The following HOOK3 variants were observed in gnomAD, a reference collection of about 807,000 sequenced individuals.
HOOK3 encodes the protein hook microtubule tethering protein 3.
Under a neutral mutation model 116.3 loss-of-function variants are expected in HOOK3, and 24 were observed. The observed-to-expected ratio is 0.21, with a 90% CI of 0.15 to 0.29. The LOEUF (loss-of-function observed/expected upper bound fraction) is 0.29. Among genes scored for constraint, HOOK3 ranks in the 10% least tolerant of loss-of-function variants. HOOK3 has a pLI of 1.00. For missense variants in HOOK3, 632 were observed against 830.2 expected, an observed-to-expected ratio of 0.76 and a Z score of 2.93; for synonymous variants, 275 against 283.0, an observed-to-expected ratio of 0.97 and a Z score of 0.28.
intron 5 of HOOK3, among the ~76,000 whole-genome samples, chr8:42,949,694 C>A (rs1475468797): frequency 6.6e-6 from 1 of 151,920 alleles, no homozygotes; most frequent in African/African-American, 2.4e-5. Context: ...CCGAGGCAGG[C>A]GGATCACGAG....
intron 21 of HOOK3, among the ~76,000 whole-genome samples, chr8:43,016,980 C>CCTGGGCTAGATTGCTAACA (rs2130495435): frequency 6.6e-6 from 1 of 152,126 alleles, no homozygotes; most frequent in Admixed American, 6.5e-5. Context: ...TCGAGACCAG[C>CCTGGGCTAGATTGCTAACA]CTGGGCAACA....
intron 11 of HOOK3, among the ~76,000 whole-genome samples, chr8:42,971,805 C>G (rs373659577): frequency 3.3e-5 from 5 of 152,038 alleles, no homozygotes; most frequent in African/African-American, 1.2e-4. Flanking sequence ...CACAGTCTCC[C>G]GAGTAGCTGG....
intron 2 of HOOK3, among the ~76,000 whole-genome samples, chr8:42,914,130 A>G (rs1033527758): frequency 1.3e-5 from 2 of 152,126 alleles, no homozygotes; most frequent in Non-Finnish European, 2.9e-5. Flanking sequence ...GTGCTCCTCC[A>G]TACTGCTTCT....
intron 2 of HOOK3, among the ~76,000 whole-genome samples, chr8:42,925,046 C>T (rs1807736460): frequency 1.3e-5 from 2 of 151,342 alleles, no homozygotes; most frequent in Non-Finnish European, 2.9e-5. Flanking sequence ...AGAAAATCTG[C>T]AATTATGGTA....
At chr8:42,995,835 A>G (rs906600759) in intron 15 of HOOK3, among the ~76,000 whole-genome samples, 8 of 151,884 alleles carry the variant, frequency 5.3e-5, no homozygotes, top group Non-Finnish European at 1.2e-4. Context: ...GTCCCTTTCT[A>G]TTTCCTCCTC....
chr8:42,995,970 A>G (rs1809256238), intron 15 of HOOK3, among the ~76,000 whole-genome samples: 1 of 152,142 alleles, frequency 6.6e-6, no homozygotes, highest in African/African-American at 2.4e-5. Flanking sequence ...TCTGTCTGAC[A>G]TACTACCTGT....
chr8:42,930,304 A>G (rs1261478069), intron 4 of HOOK3, 132 bp downstream of exon 4: 3 of 776,308 alleles, frequency 3.9e-6, no homozygotes, highest in Non-Finnish European at 5.6e-6. Context: ...AGTTTCTATA[A>G]TAGGATGATG....
At chr8:42,948,317 C>T (rs1808273553) in intron 5 of HOOK3, among the ~76,000 whole-genome samples, 1 of 152,226 alleles carries the variant, frequency 6.6e-6, no homozygotes, top group Admixed American at 6.5e-5. Context: ...CATTCTCCAG[C>T]ATTGCCTCAT....
At chr8:42,985,743 A>G (rs1033519067) in intron 14 of HOOK3, among the ~76,000 whole-genome samples, 4 of 151,640 alleles carry the variant, frequency 2.6e-5, no homozygotes, top group Non-Finnish European at 5.9e-5. Flanking sequence ...CCCGTCTCAA[A>G]AAAAAAAAAA....
At chr8:42,997,405 A>G in intron 15 of HOOK3, 145 bp from the exon 16 acceptor site, 6 of 572,484 alleles carry the variant, frequency 1.0e-5, no homozygotes, top group East Asian at 2.9e-5. Context: ...GCTGCCACTC[A>G]TGACATTAGG....
rs751845063 is a variant in HOOK3, at chr8:42,974,127, T to C, written c.1254T>C (p.Asp418=). Residue 418 remains aspartate, a synonymous_variant, in exon 13 of 22, where the codon GAT becomes GAC. Transcript: ENST00000307602. The part of the protein sequence containing the change: ...KEKDRLRTER[D]SLKETIEELR... ...TCCAGAGGCTGAGAACAGAAAGGGA[T>C]TCTCTGAAGGAAACCATTGAAGAGC... The C allele has an allele frequency of 8.1e-6, 13 of 1,613,832 alleles. No individual in the cohort carries two copies. In the East Asian group the frequency reaches 2.7e-4, roughly 33 times the overall value.
chr8:43,013,502 A>C, intron 21 of HOOK3, 102 bp downstream of exon 21: 1 of 940,190 alleles, frequency 1.1e-6, no homozygotes, highest in East Asian at 2.7e-5. Context: ...ATGAATCTGA[A>C]AGTAACTGCT....
chr8:42,945,110 A>ACC (rs1332785094), intron 5 of HOOK3, among the ~76,000 whole-genome samples: 1 of 151,950 alleles, frequency 6.6e-6, no homozygotes, highest in African/African-American at 2.4e-5. Flanking sequence ...AGATCACTTA[A>ACC]CCTCTGTATT....
chr8:43,012,170 G>C (rs1477987517), intron 19 of HOOK3, among the ~76,000 whole-genome samples: 1 of 152,160 alleles, frequency 6.6e-6, no homozygotes, highest in Non-Finnish European at 1.5e-5. Context: ...TAATAACAGG[G>C]ACACGTTCTG....
At chr8:43,011,780 G>A (rs1490287794) in intron 19 of HOOK3, among the ~76,000 whole-genome samples, 3 of 152,198 alleles carry the variant, frequency 2.0e-5, no homozygotes, top group Non-Finnish European at 4.4e-5. Context: ...TCAGGAGGCT[G>A]GGGCAGGAAA....
intron 5 of HOOK3, among the ~76,000 whole-genome samples, chr8:42,950,117 T>C (rs1202564360): frequency 6.6e-6 from 1 of 152,190 alleles, no homozygotes; most frequent in Non-Finnish European, 1.5e-5. Flanking sequence ...CGTTTTACAT[T>C]GGCACATACT....
chr8:42,928,617 T>C (rs1479908550), intron 3 of HOOK3, among the ~76,000 whole-genome samples: 5 of 152,188 alleles, frequency 3.3e-5, no homozygotes, highest in African/African-American at 1.2e-4. Context: ...CTGTCTCCAG[T>C]GTCATGAGTA....
chr8:42,992,026 G>A (rs977975374), intron 15 of HOOK3, among the ~76,000 whole-genome samples: 2 of 151,894 alleles, frequency 1.3e-5, no homozygotes, highest in African/African-American at 4.8e-5. Context: ...TAATTCCTAG[G>A]TATTTTATTT....
rs770033177 is a variant in HOOK3, at chr8:43,018,516, A to G, written c.*18A>G. ...CAAGGTAGAGAAGTTGTGCCGCTCA[A>G]TCACAGACACCTGCACCCACAACAT... is the stretch of plus-strand genomic sequence containing the variant. On this transcript the variant is annotated 3_prime_UTR_variant, in exon 22 of 22. Transcript: ENST00000307602. 17 of 1,598,558 alleles carry G rather than the reference A, an allele frequency of 1.1e-5. No homozygotes were observed. The highest frequency in any genetic ancestry group is 1.3e-5 in the African/African-American group (1 of 74,236).
Sources: gnomAD v4.1 joint callset for allele counts (sites outside exome capture counted in the v4.1 genomes callset) on GRCh38, gnomAD v4.1.1 for gene constraint, MANE v1.5 for transcripts, NCBI Gene and HGNC (gene_info 2026-07-23, HGNC 2026-07-21) for gene names.